Variants in MACROD2 observed in about 807,000 individuals in gnomAD.
MACROD2 encodes the protein ADP-ribose glycohydrolase MACROD2.
A neutral mutation model predicts 70.4 loss-of-function variants in MACROD2; 36 were observed. That is an observed-to-expected ratio of 0.51 (90% CI 0.39 to 0.68). MACROD2 has a LOEUF of 0.68. MACROD2 is among the 30% of genes least tolerant of loss of function. MACROD2 has a pLI of 0.00. For synonymous variants in MACROD2, 172 were observed against 178.8 expected (o/e 0.96, Z 0.30); for missense variants, 496 against 538.4 (o/e 0.92, Z 0.78).
chr20:15,353,857 C>T (rs888665403), intron 6 of MACROD2, among the ~76,000 whole-genome samples: 5 of 99,666 alleles, frequency 5.0e-5, no homozygotes, highest in Admixed American at 4.5e-4. Context: ...ACAACAGGTG[C>T]TGGAGAGGAT....
At chr20:14,746,615 G>C (rs557673423) in intron 5 of MACROD2, among the ~76,000 whole-genome samples, 1 of 152,138 alleles carries the variant, frequency 6.6e-6, no homozygotes, top group African/African-American at 2.4e-5. Context: ...TTAGTTATTT[G>C]ATAAATAACT....
intron 3 of MACROD2, among the ~76,000 whole-genome samples, chr20:14,222,379 TCAGACA>T (rs1387666599): frequency 2.6e-5 from 4 of 152,138 alleles, no homozygotes; most frequent in Non-Finnish European, 5.9e-5. Context: ...GCTAAACAAC[TCAGACA>T]CAGAAAGACA....
At chr20:14,689,643 GCTC>G (rs1053027976) in intron 5 of MACROD2, among the ~76,000 whole-genome samples, 6 of 152,072 alleles carry the variant, frequency 3.9e-5, no homozygotes, top group Non-Finnish European at 8.8e-5. Flanking sequence ...CTCTTTCTTT[GCTC>G]CTTTCACTTG....
At chr20:14,459,888 C>T (rs1194786955) in intron 3 of MACROD2, among the ~76,000 whole-genome samples, 1 of 152,042 alleles carries the variant, frequency 6.6e-6, no homozygotes, top group Non-Finnish European at 1.5e-5. Flanking sequence ...CTCTCACCCC[C>T]TGACAGGCCC....
At chr20:15,724,906 C>T (rs911232728) in intron 8 of MACROD2, among the ~76,000 whole-genome samples, 3 of 152,012 alleles carry the variant, frequency 2.0e-5, no homozygotes, top group African/African-American at 4.8e-5. Context: ...CACGGTGAAA[C>T]CCCATCTCTA....
At chr20:15,187,989 C>G (rs1897973957) in intron 5 of MACROD2, among the ~76,000 whole-genome samples, 1 of 152,100 alleles carries the variant, frequency 6.6e-6, no homozygotes. Context: ...TCCATCCATC[C>G]CCTACACACG....
intron 5 of MACROD2, among the ~76,000 whole-genome samples, chr20:15,196,706 A>G (rs1348270810): frequency 6.6e-6 from 1 of 152,164 alleles, no homozygotes; most frequent in Non-Finnish European, 1.5e-5. Flanking sequence ...ATTATGTTTC[A>G]TTGTTGGCCA....
intron 2 of MACROD2, among the ~76,000 whole-genome samples, chr20:14,030,948 T>C (rs2053239781): frequency 2.0e-5 from 3 of 152,212 alleles, no homozygotes; most frequent in South Asian, 4.1e-4. Flanking sequence ...GGCATAGATA[T>C]ATCGTTTTCT....
At chr20:14,392,147 A>G (rs1266690032) in intron 3 of MACROD2, among the ~76,000 whole-genome samples, 1 of 151,958 alleles carries the variant, frequency 6.6e-6, no homozygotes, top group Non-Finnish European at 1.5e-5. Flanking sequence ...CTGAGTCCTA[A>G]ATGGAAACTG....
intron 5 of MACROD2, among the ~76,000 whole-genome samples, chr20:15,040,800 G>C (rs1015228415): frequency 6.6e-6 from 1 of 152,114 alleles, no homozygotes; most frequent in Non-Finnish European, 1.5e-5. Flanking sequence ...GTGGCAATTT[G>C]TAATATTTGT....
At chr20:14,158,024 A>G (rs1448195810) in intron 3 of MACROD2, among the ~76,000 whole-genome samples, 1 of 152,150 alleles carries the variant, frequency 6.6e-6, no homozygotes, top group Non-Finnish European at 1.5e-5. Flanking sequence ...GGCTAGACCA[A>G]TTTACCTTCC....
chr20:14,315,746 T>TA (rs2082607174), intron 3 of MACROD2, among the ~76,000 whole-genome samples: 1 of 152,138 alleles, frequency 6.6e-6, no homozygotes, highest in Admixed American at 6.5e-5. Context: ...ACTACAAACT[T>TA]AAAAAATTGT....
chr20:14,092,452 G>C (rs920715224), intron 3 of MACROD2, among the ~76,000 whole-genome samples: 5 of 152,124 alleles, frequency 3.3e-5, no homozygotes, highest in African/African-American at 1.2e-4. Context: ...ATCCAAAACA[G>C]TCCATACTTA....
chr20:15,639,632 T>A (rs1188988741), intron 8 of MACROD2, among the ~76,000 whole-genome samples: 1 of 152,170 alleles, frequency 6.6e-6, no homozygotes, highest in Non-Finnish European at 1.5e-5. Flanking sequence ...CTTTTGGGTA[T>A]CTCTCCAGCC....
chr20:14,947,826 T>A (rs1300021304), intron 5 of MACROD2, among the ~76,000 whole-genome samples: 1 of 152,140 alleles, frequency 6.6e-6, no homozygotes, highest in Non-Finnish European at 1.5e-5. Context: ...AAGGATCAGA[T>A]GTGGGATTAC....
chr20:15,542,563 C>T (rs1326983273), intron 8 of MACROD2, among the ~76,000 whole-genome samples: 1 of 152,020 alleles, frequency 6.6e-6, no homozygotes, highest in Non-Finnish European at 1.5e-5. Context: ...CTTCAGTGGC[C>T]TTCAAAGATA....
At chr20:14,796,490 C>T (rs1255504521) in intron 5 of MACROD2, among the ~76,000 whole-genome samples, 1 of 152,014 alleles carries the variant, frequency 6.6e-6, no homozygotes, top group Non-Finnish European at 1.5e-5. Context: ...TTTACTTATT[C>T]GAGGATACTC....
chr20:14,506,200 A>G (rs1055957085), intron 4 of MACROD2, among the ~76,000 whole-genome samples: 16 of 152,172 alleles, frequency 1.1e-4, no homozygotes, highest in African/African-American at 3.4e-4. Flanking sequence ...GTTGGGACCA[A>G]TATATTTCTG....
intron 8 of MACROD2, among the ~76,000 whole-genome samples, chr20:15,609,835 TG>T (rs1201442065): frequency 2.0e-5 from 3 of 152,208 alleles, no homozygotes; most frequent in Non-Finnish European, 4.4e-5. Flanking sequence ...ATGTATATAA[TG>T]GCCCTCGGTC....
Sources: gnomAD v4.1 joint callset for allele counts (sites outside exome capture counted in the v4.1 genomes callset) on GRCh38, gnomAD v4.1.1 for gene constraint, MANE v1.5 for transcripts, NCBI Gene and HGNC (gene_info 2026-07-23, HGNC 2026-07-21) for gene names.